TEP1: variants seen among roughly 807,000 people sequenced by gnomAD.
TEP1 encodes the protein telomerase protein component 1.
In TEP1, 241 loss-of-function variants were observed where a neutral mutation model predicts 306.3. That is an observed-to-expected ratio of 0.79 (90% confidence interval 0.71 to 0.88). TEP1 has a LOEUF of 0.88. TEP1 is among the 40% of genes least tolerant of loss of function. The pLI is 0.00. For synonymous variants in TEP1, 1,289 were observed against 1,305.5 expected, an observed-to-expected ratio of 0.99 and a Z score of 0.27; for missense variants, 3,051 against 3,276.1, an observed-to-expected ratio of 0.93 and a Z score of 1.68.
chr14:20,398,376 CAAA>C (rs202032916), intron 9 of TEP1, among the ~76,000 whole-genome samples: 17 of 89,090 alleles, frequency 1.9e-4, no homozygotes, highest in East Asian at 3.0e-4. Flanking sequence ...AGACTCCGCC[CAAA>C]AAAAAAAAAA....
At position 20,383,794 on chromosome 14, in the gene TEP1, G is replaced by T. The variant is rs748253952; in HGVS notation, c.3659C>A (p.Thr1220Asn). ...CTCTTTTAGTTGGCCACGCAGATAG[G>T]TACAGAGGCGTCTGAGCAGAGTGAG... is the stretch of plus-strand genomic sequence containing the variant. ...LALTLLRRLC[T>N]YLRGQLKEPG... Residue 1220 changes from threonine to asparagine, a missense_variant, in exon 25 of 55, where the codon ACC becomes AAC. Physicochemically the swap from Thr to Asn is moderately conservative, Grantham distance 65. Around this residue, in one of 3 missense-constraint regions of TEP1, gnomAD observed 1,507 missense variants for 1,550.5 expected, o/e 0.97. Transcript: ENST00000262715. 5 of 1,610,818 alleles carry T rather than the reference G, an allele frequency of 3.1e-6. No individual in the cohort carries two copies. The Admixed American group carries it at 6.7e-5, about 22-fold the overall frequency.
chr14:20,383,534 T>C lies in TEP1; in HGVS notation c.3821A>G (p.Gln1274Arg). The change falls in exon 26 of 55, where the codon CAG (glutamine) becomes CGG (arginine). Residue 1274 changes from glutamine to arginine, a missense_variant. Physicochemically the swap from Gln to Arg is conservative, Grantham distance 43 (BLOSUM62 1). Coordinates refer to ENST00000262715, the MANE Select transcript of TEP1 (RefSeq NM_007110.5). ...CCAGTCTGAAATCAGCTGCCCATTC[T>C]GGTCCACTAACCTATCAGCCCCATC... ...IIDGADRLVDQNGQLISDWIP... is the reference protein window; with the variant it reads ...IIDGADRLVDRNGQLISDWIP... 6.2e-7 allele frequency: 1 copy of C among 1,614,274 alleles called. No homozygotes were observed. The highest frequency in any genetic ancestry group is 8.5e-7 in the Non-Finnish European group (1 of 1,180,044).
At chr14:20,388,725 T>C (rs1302965315) in intron 17 of TEP1, among the ~76,000 whole-genome samples, 1 of 152,132 alleles carries the variant, frequency 6.6e-6, no homozygotes, top group African/African-American at 2.4e-5. Context: ...ACATATTGAA[T>C]TATGAGGTAG....
intron 35 of TEP1, among the ~76,000 whole-genome samples, 167 bp from the exon 36 acceptor site, chr14:20,379,272 G>C (rs1885390531): frequency 6.6e-6 from 1 of 152,262 alleles, no homozygotes; most frequent in Admixed American, 6.5e-5. Flanking sequence ...CGTGATCCAA[G>C]TGGGGCCACA....
intron 53 of TEP1, 49 bp from the exon 54 acceptor site, chr14:20,368,951 C>G (rs1291688301): frequency 1.5e-6 from 2 of 1,372,230 alleles, no homozygotes; most frequent in East Asian, 2.4e-5. Context: ...AGGGGCCCCT[C>G]CTCAGAGAAG....
rs771457052 is a variant in TEP1 at position 20,368,863 on chromosome 14, C to A, written c.7696G>T (p.Glu2566Ter). 1.9e-6 allele frequency: 3 copies of A among 1,614,074 alleles called. No homozygotes were observed. The highest frequency in any genetic ancestry group is 2.2e-5 in the South Asian group (2 of 91,060). Residue 2566 changes from glutamate to a stop codon, truncating the protein, a stop_gained, in exon 54 of 55, where the codon GAG becomes TAG. Transcript: ENST00000262715. LOFTEE classifies it high-confidence loss of function. ...GSVTALHVLPELLVTASKDRD... is the reference protein window; with the variant it reads ...GSVTALHVLP ...TCCTTCGAAGCTGTCACCAGCAACT[C>A]AGGTAGCACATGGAGGGCTGTGACA...
At position 20,386,557 on chromosome 14, in the gene TEP1, C is replaced by T; in HGVS notation, c.2751G>A (p.Leu917=). 6.2e-7 allele frequency: 1 copy of T among 1,612,200 alleles called. No homozygotes were observed. Among genetic ancestry groups the T allele is most frequent in the Non-Finnish European group, 8.5e-7 (1 of 1,178,658 alleles). The change falls in exon 19 of 55, where the codon CTG becomes CTA. Residue 917 remains leucine, a synonymous_variant. Coordinates refer to ENST00000262715, the MANE Select transcript of TEP1 (RefSeq NM_007110.5). ...GCAGTGCTGGCAGCACAGACCTCAGCAGCAGGTCCCGCTCCCCATGCATGT... is the reference window on the plus strand; with the variant it reads ...GCAGTGCTGGCAGCACAGACCTCAGTAGCAGGTCCCGCTCCCCATGCATGT... ...FRDMHGERDL[L]LRSVLPALQA...
In TEP1 at chr14:20,391,007, CAG is replaced by C. The variant is rs1462223924; in HGVS notation, c.2185_2186del (p.Leu729GlufsTer6). 1 of 1,614,164 alleles carries C rather than the reference CAG, an allele frequency of 6.2e-7. No homozygotes were observed. The highest frequency in any genetic ancestry group is 1.7e-5 in the Admixed American group (1 of 60,020). ...CTTCTGCCTTAAGCACTGCAGTCTT[CAG>C]AGTGTCACCTCCACACAGCACGACG... ...VDVVLCGGDT[L>X]KTAVLKAEEG... On this transcript the variant is annotated frameshift_variant, in exon 14 of 55. Transcript: ENST00000262715. LOFTEE classifies it high-confidence loss of function.
At chr14:20,385,619 C>T (rs1357693288) in intron 20 of TEP1, among the ~76,000 whole-genome samples, 1 of 152,230 alleles carries the variant, frequency 6.6e-6, no homozygotes, top group African/African-American at 2.4e-5. Context: ...GTGATCCACC[C>T]GCCTTGGTCT....
At position 20,379,923 on chromosome 14, in the gene TEP1, G is replaced by C; in HGVS notation, c.5127+7C>G. The C allele has an allele frequency of 3.7e-6, 6 of 1,608,548 alleles. No homozygotes were observed. Among genetic ancestry groups the C allele is most frequent in the Non-Finnish European group, 5.1e-6 (6 of 1,178,156 alleles). On this transcript the variant is annotated splice_region_variant and intron_variant, in intron 35 of 54. Coordinates refer to ENST00000262715, the MANE Select transcript of TEP1 (RefSeq NM_007110.5). ...GGGTAAATTCTGCCCCTCCTTGATT[G>C]TCATACCTGCCAAGTTCTCAGGTCC...
chr14:20,410,642 ATGCTGGCCAGGCTGGTCTCGAAC>A (rs1360715059), intron 1 of TEP1, among the ~76,000 whole-genome samples: 1 of 142,760 alleles, frequency 7.0e-6, no homozygotes, highest in Non-Finnish European at 1.5e-5. Context: ...GGGTTCCACT[ATGCTGGCCAGGCTGGTCTCGAAC>A]TCCTGACCTT....
In TEP1 at chr14:20,401,668, C is replaced by T. The variant is rs1303053294; in HGVS notation, c.1267-87G>A. The T allele has an allele frequency of 5.8e-6, 9 of 1,543,034 alleles. No individual in the cohort carries two copies. The East Asian group carries it at 6.8e-5, about 12-fold the overall frequency. ...CAATAAAGCAGATTGTAAGACCATC[C>T]GATCCCTATGTGGTAATTTCTTTCT... On this transcript the variant is annotated intron_variant, in intron 7 of 54. Transcript: ENST00000262715.
At chr14:20,368,978 G>A in intron 53 of TEP1, 76 bp from the exon 54 acceptor site, 1 of 1,022,816 alleles carries the variant, frequency 9.8e-7, no homozygotes, top group Non-Finnish European at 1.5e-6. Context: ...AATGTGCTGT[G>A]TCAGACCTAC....
Position 20,382,259 on chromosome 14 carries a change from G to C in TEP1, c.4238C>G (p.Pro1413Arg), listed in dbSNP as rs560280403. 19 of 1,614,130 alleles carry C rather than the reference G, an allele frequency of 1.2e-5. No homozygotes were observed. In the South Asian group the frequency reaches 1.9e-4, roughly 16 times the overall value. ...LEKEHGPDVL[P>R]QALTALEVTR... The stretch of plus-strand genomic sequence containing the variant: ...GACTTCTAGGGCAGTCAAGGCCTGG[G>C]GAAGGACATCAGGCCCGTGCTCCTT... Residue 1413 changes from proline (P) to arginine (R), a missense_variant, in exon 29 of 55, where the codon CCC becomes CGC. By Grantham distance (103) the Pro-to-Arg change is moderately radical. Transcript: ENST00000262715.
chr14:20,396,914 G>T (rs1274704076), intron 9 of TEP1, among the ~76,000 whole-genome samples, 184 bp from the exon 10 acceptor site: 1 of 151,940 alleles, frequency 6.6e-6, no homozygotes, highest in African/African-American at 2.4e-5. Flanking sequence ...GCAAATGAGG[G>T]ATGATTAGAG....
At chr14:20,412,130 G>T (rs1879720634) in intron 1 of TEP1, among the ~76,000 whole-genome samples, 1 of 152,128 alleles carries the variant, frequency 6.6e-6, no homozygotes, top group Non-Finnish European at 1.5e-5. Context: ...GGGCCAAAAA[G>T]GACAACAATA....
chr14:20,410,623 TA>T (rs1464188116), intron 1 of TEP1, among the ~76,000 whole-genome samples: 2 of 148,706 alleles, frequency 1.3e-5, no homozygotes, highest in African/African-American at 5.0e-5. Context: ...GTATTTTTAG[TA>T]AGAGACAGGG....
rs1304828358 is a variant in TEP1 at position 20,396,702 on chromosome 14, C to G, written c.1578G>C (p.Met526Ile). The stretch of plus-strand genomic sequence containing the variant: ...GCAGCAGGTTGCACAGGTTCCGAAG[C>G]ATGGCCATGAAGGGAAGCTTCCCAT... ...IENGKLPFMA[M>I]LRNLCNLLRV... is the part of the protein sequence containing the mutation. The change falls in exon 10 of 55, where the codon ATG (methionine) becomes ATC (isoleucine). Residue 526 changes from methionine (M) to isoleucine (I), a missense_variant. By Grantham distance (10) the Met-to-Ile change is conservative. Transcript: ENST00000262715. The G allele has an allele frequency of 6.2e-7, 1 of 1,611,110 alleles. No individual in the cohort carries two copies. Among genetic ancestry groups the G allele is most frequent in the Non-Finnish European group, 8.5e-7 (1 of 1,177,758 alleles).
At chr14:20,389,375 T>G in intron 16 of TEP1, 78 bp from the exon 17 acceptor site, 2 of 1,542,544 alleles carry the variant, frequency 1.3e-6, no homozygotes, top group Non-Finnish European at 1.8e-6. Context: ...CATCCCAAGA[T>G]GAAAACCCCA....
Sources: allele counts gnomAD v4.1 joint callset (sites outside exome capture counted in the v4.1 genomes callset), GRCh38; gene constraint gnomAD v4.1.1; regional missense constraint gnomAD v4.1.1; transcripts MANE v1.5; gene names NCBI Gene and HGNC (gene_info 2026-07-23, HGNC 2026-07-21).